MYBPC1: variants seen among roughly 807,000 people sequenced by gnomAD.
MYBPC1 encodes the protein myosin binding protein C1, also known as myosin-binding protein C, slow-type.
In MYBPC1, 52 loss-of-function variants were observed where a neutral mutation model predicts 147.1. The observed-to-expected ratio is 0.35, with a 90% confidence interval of 0.28 to 0.45. The LOEUF is 0.45. MYBPC1 is among the 20% of genes least tolerant of loss of function. The pLI, the probability that MYBPC1 is intolerant of heterozygous loss-of-function variation, is 1.00. For synonymous variants in MYBPC1, 477 were observed against 475.9 expected (o/e 1.00, Z -0.03); for missense variants, 1,228 against 1,440.3 (o/e 0.85, Z 2.39).
intron 21 of MYBPC1, 75 bp from the exon 22 acceptor site, chr12:101,663,351 T>C: frequency 1.6e-6 from 2 of 1,288,592 alleles, no homozygotes; most frequent in East Asian, 4.6e-5. Flanking sequence ...TGTATCCCCA[T>C]TGGTTTTATC....
At chr12:101,629,349 G>A (rs777787364) in intron 5 of MYBPC1, 85 bp from the exon 6 acceptor site, 13 of 893,600 alleles carry the variant, frequency 1.5e-5, no homozygotes, top group Admixed American at 7.0e-5. Context: ...AAGCTACAGC[G>A]TTGGTGAGAA....
chr12:101,627,174 T>A (rs1052830254), intron 4 of MYBPC1, among the ~76,000 whole-genome samples: 1 of 152,234 alleles, frequency 6.6e-6, no homozygotes, highest in Non-Finnish European at 1.5e-5. Flanking sequence ...TCAACATATC[T>A]GTCTTCCATT....
chr12:101,669,378 G>A (rs1898093500), intron 23 of MYBPC1, among the ~76,000 whole-genome samples: 3 of 152,166 alleles, frequency 2.0e-5, no homozygotes, highest in Admixed American at 2.0e-4. Context: ...TGATGGATTT[G>A]CAGTGACATG....
chr12:101,656,141 A>G (rs1895500885), intron 18 of MYBPC1, among the ~76,000 whole-genome samples: 1 of 152,132 alleles, frequency 6.6e-6, no homozygotes, highest in South Asian at 2.1e-4. Flanking sequence ...TTGTAAATAT[A>G]TATTGTAAAC....
chr12:101,665,693 T>G (rs1388828071), intron 22 of MYBPC1, among the ~76,000 whole-genome samples: 4 of 152,182 alleles, frequency 2.6e-5, no homozygotes, highest in African/African-American at 9.7e-5. Context: ...CTATTTTTGT[T>G]CCCCCTCTGG....
chr12:101,642,714 G>C (rs1892325806), intron 11 of MYBPC1, 129 bp downstream of exon 11: 1 of 987,438 alleles, frequency 1.0e-6, no homozygotes, highest in Admixed American at 2.0e-5. Flanking sequence ...TAGGAGTGCA[G>C]GGGTTACGCT....
intron 29 of MYBPC1, among the ~76,000 whole-genome samples, chr12:101,681,220 C>A (rs1312069374): frequency 6.6e-6 from 1 of 151,982 alleles, no homozygotes; most frequent in Non-Finnish European, 1.5e-5. Context: ...AATTAATCAA[C>A]TACCATTTTT....
downstream of MYBPC1, among the ~76,000 whole-genome samples, chr12:101,690,321 A>G (rs1309099262): frequency 6.6e-6 from 1 of 152,218 alleles, no homozygotes; most frequent in Admixed American, 6.5e-5. Context: ...TTCCTTGCTT[A>G]GCTATTATTT....
In MYBPC1 at chr12:101,660,131, T is replaced by TG. The variant is rs3838820; in HGVS notation, c.1927+301dup. On this transcript the variant is annotated intron_variant, in intron 19 of 31. Transcript: ENST00000361466. ...CATTACAGAGGGATTAGATCTGCCT[T>TG]GTCCTTAGACAACTATCGAAGTGCA... is the stretch of plus-strand genomic sequence containing the variant. 295,763 of 425,848 alleles carry TG rather than the reference T, an allele frequency of 0.69. 104,876 individuals carry two copies. Among genetic ancestry groups the TG allele is most frequent in the Admixed American group, 0.8 (23,054 of 28,644 alleles). The allele number at this position is 425,848 out of a possible 1,614,324, so 26.4% of individuals were successfully genotyped here. A position where few individuals can be genotyped will look rare whatever the true frequency, so the allele number is the denominator to read the frequency against.
chr12:101,676,615 G>A (rs974079429), intron 26 of MYBPC1, among the ~76,000 whole-genome samples: 2 of 151,924 alleles, frequency 1.3e-5, no homozygotes, highest in Non-Finnish European at 2.9e-5. Context: ...GCTGGGTGTG[G>A]TAGCACGTGC....
At chr12:101,622,809 G>C (rs1331797799) in intron 3 of MYBPC1, among the ~76,000 whole-genome samples, 1 of 152,124 alleles carries the variant, frequency 6.6e-6, no homozygotes, top group African/African-American at 2.4e-5. Context: ...ATGTTTTCTA[G>C]CACTTTCATA....
intron 1 of MYBPC1, among the ~76,000 whole-genome samples, chr12:101,595,546 A>G (rs1046089975): frequency 9.9e-5 from 15 of 152,272 alleles, no homozygotes; most frequent in African/African-American, 3.6e-4. Context: ...AATTTGTGAC[A>G]TTATTTCCAT....
In MYBPC1 at chr12:101,680,201, T is replaced by C. The variant is rs114264617; in HGVS notation, c.3247-142T>C. ...ACTAAGTAGAGTTTAATGTGAGAAATAGTGTCAAGTAAAAGTCTATCCTTC... is the reference window on the plus strand; with the variant it reads ...ACTAAGTAGAGTTTAATGTGAGAAACAGTGTCAAGTAAAAGTCTATCCTTC... On this transcript the variant is annotated intron_variant, in intron 28 of 31. Coordinates refer to ENST00000361466, the MANE Select transcript of MYBPC1 (RefSeq NM_002465.4). 6.2e-4 allele frequency: 499 copies of C among 800,084 alleles called. 1 individual carries two copies. In the African/African-American group the frequency reaches 7.6e-3, roughly 12 times the overall value. The allele number at this position is 800,084 out of a possible 1,614,324, so 49.6% of individuals were successfully genotyped here. A position where few individuals can be genotyped will look rare whatever the true frequency, so the allele number is the denominator to read the frequency against.
At chr12:101,641,461 A>G (rs558091689) in intron 10 of MYBPC1, among the ~76,000 whole-genome samples, 1 of 152,354 alleles carries the variant, frequency 6.6e-6, no homozygotes, top group South Asian at 2.1e-4. Context: ...AAAGAAAGGA[A>G]GACAAGTGTA....
In MYBPC1 at chr12:101,673,415, C is replaced by T. The variant is rs374956773; in HGVS notation, c.2614-12C>T. On this transcript the variant is annotated splice_polypyrimidine_tract_variant and intron_variant, in intron 24 of 31. Coordinates refer to ENST00000361466, the MANE Select transcript of MYBPC1 (RefSeq NM_002465.4). Reference sequence around the variant, plus strand: ...GATTTACCCTCTCTACTTTTGCTGTCTTTCTTTTTAGGGAAAACCAAGACC... The same window carrying T: ...GATTTACCCTCTCTACTTTTGCTGTTTTTCTTTTTAGGGAAAACCAAGACC... 33 of 1,611,432 alleles carry T rather than the reference C, an allele frequency of 2.0e-5. No individual in the cohort carries two copies. In the Admixed American group the frequency reaches 4.3e-4, roughly 21 times the overall value.
At chr12:101,646,035 C>G (rs1893031205) in intron 12 of MYBPC1, among the ~76,000 whole-genome samples, 1 of 152,114 alleles carries the variant, frequency 6.6e-6, no homozygotes, top group African/African-American at 2.4e-5. Flanking sequence ...AGATCTTATT[C>G]ATACATCAAT....
chr12:101,596,424 T>G (rs1191892916), intron 1 of MYBPC1, among the ~76,000 whole-genome samples: 1 of 152,248 alleles, frequency 6.6e-6, no homozygotes, highest in Non-Finnish European at 1.5e-5. Flanking sequence ...GTACTAAGTG[T>G]CCTTTTTATC....
At chr12:101,595,641 G>T (rs773181468) in intron 1 of MYBPC1, among the ~76,000 whole-genome samples, 5 of 151,882 alleles carry the variant, frequency 3.3e-5, no homozygotes, top group African/African-American at 1.2e-4. Context: ...TTGGAGGTTC[G>T]TTATTAAATT....
chr12:101,615,864 T>C (rs1330266379), intron 2 of MYBPC1, among the ~76,000 whole-genome samples: 1 of 152,078 alleles, frequency 6.6e-6, no homozygotes, highest in Non-Finnish European at 1.5e-5. Context: ...TCTTCCTCCC[T>C]GGAGATCGTT....
Sources: gnomAD v4.1 joint callset for allele counts (sites outside exome capture counted in the v4.1 genomes callset) on GRCh38, gnomAD v4.1.1 for gene constraint, MANE v1.5 for transcripts, NCBI Gene and HGNC (gene_info 2026-07-23, HGNC 2026-07-21) for gene names.